PPDPFL: variants seen among roughly 807,000 people sequenced by gnomAD.
The protein encoded by PPDPFL is pancreatic progenitor cell differentiation and proliferation factor like, also known as pancreatic progenitor cell differentiation and proliferation factor-like protein.
PPDPFL carries 12 observed loss-of-function variants against 12.6 expected under a neutral mutation model. That is an observed-to-expected ratio of 0.95 (90% confidence interval 0.61 to 1.54). PPDPFL has a LOEUF of 1.54. PPDPFL is among the 40% of genes most tolerant of loss of function. The probability of loss-of-function intolerance (pLI) is 0.00; values close to 1 mark genes in which losing one functional copy is unlikely to be tolerated. For synonymous variants in PPDPFL, 24 were observed against 32.7 expected, an observed-to-expected ratio of 0.73 and a Z score of 0.91; for missense variants, 114 against 96.0, an observed-to-expected ratio of 1.19 and a Z score of -0.78.
At chr8:49,072,187 C>T (rs1348302969), upstream of PPDPFL, among the ~76,000 whole-genome samples, 2 of 152,234 alleles carry the variant, frequency 1.3e-5, no homozygotes, top group Non-Finnish European at 1.5e-5. Context: ...CTGCTGCGTT[C>T]GGAGGGCCTT....
chr8:49,058,917 A>G (rs1003127984), intron 1 of PPDPFL, among the ~76,000 whole-genome samples: 4 of 152,168 alleles, frequency 2.6e-5, no homozygotes, highest in African/African-American at 9.7e-5. Context: ...TATCTCCACC[A>G]ATTGGACTAT....
Position 49,075,269 on chromosome 8 carries a change from G to C in PPDPFL, c.*96G>C. On this transcript the variant is annotated 3_prime_UTR_variant, in exon 5 of 5. Coordinates refer to ENST00000522267, the MANE Select transcript of PPDPFL (RefSeq NM_001256597.2). ...TTGATTCTGACAATCAAGATCCTCT[G>C]CCTGCTGCAGTGGTCCATACATGAA... 1 of 1,613,828 alleles carries C rather than the reference G, an allele frequency of 6.2e-7. No individual in the cohort carries two copies. The highest frequency in any genetic ancestry group is 2.2e-5 in the East Asian group (1 of 44,880).
rs551897580 is a variant in PPDPFL at position 49,056,670 on chromosome 8, A to T, written c.-45+2301A>T. On this transcript the variant is annotated intron_variant, in intron 1 of 4. Coordinates refer to the PPDPFL transcript ENST00000517663. ...CGGGCATTGAGAATTTACAAAGTAT[A>T]TTGGCTTTCACCCTGCTGATAGAGC... is the stretch of plus-strand genomic sequence containing the variant. 2.9e-4 allele frequency among the ~76,000 whole-genome samples: 44 copies of T among 152,322 alleles called. 1 individual carries two copies. The highest frequency in any genetic ancestry group is 9.9e-4 in the African/African-American group (41 of 41,582).
At chr8:49,069,859 C>T (rs1437959588), upstream of PPDPFL, among the ~76,000 whole-genome samples, 8 of 152,092 alleles carry the variant, frequency 5.3e-5, no homozygotes, top group African/African-American at 1.4e-4. Context: ...GGTGTGAACC[C>T]GGGAGGTGGA....
intron 1 of PPDPFL, among the ~76,000 whole-genome samples, chr8:49,059,970 A>G (rs1479948994): frequency 1.3e-5 from 2 of 152,152 alleles, no homozygotes; most frequent in Non-Finnish European, 2.9e-5. Context: ...GCTTTGGACC[A>G]TCTGATAAAA....
At chr8:49,074,524 G>T in intron 4 of PPDPFL, 191 bp downstream of exon 4, 2 of 1,537,346 alleles carry the variant, frequency 1.3e-6, no homozygotes, top group Non-Finnish European at 1.7e-6. Context: ...CTGTCAGGAA[G>T]ATCATAGCAC....
Position 49,063,445 on chromosome 8 carries a change from C to T in PPDPFL, c.-45+9076C>T, listed in dbSNP as rs182561095. Among the ~76,000 whole-genome samples, 23 of 152,222 alleles carry T rather than the reference C, an allele frequency of 1.5e-4. 1 individual carries two copies. Among genetic ancestry groups the T allele is most frequent in the East Asian group, 1.4e-3 (7 of 5,178 alleles). Reference sequence around the variant, plus strand: ...TTAAAGATATAAAGAATGAGCTGGGCGTGGTGTCTCATGCCTGTAGTCCCA... The same window carrying T: ...TTAAAGATATAAAGAATGAGCTGGGTGTGGTGTCTCATGCCTGTAGTCCCA... On this transcript the variant is annotated intron_variant, in intron 1 of 4. Coordinates refer to the PPDPFL transcript ENST00000517663.
intron 1 of PPDPFL, among the ~76,000 whole-genome samples, chr8:49,061,374 A>G (rs1030906656): frequency 6.6e-6 from 1 of 152,188 alleles, no homozygotes; most frequent in South Asian, 2.1e-4. Context: ...GGACACATTC[A>G]TCTAGGACTT....
chr8:49,074,058 G>A lies in PPDPFL; in HGVS notation c.56-1G>A, dbSNP rs1249846065. On this transcript the variant is annotated splice_acceptor_variant, in intron 2 of 4. Transcript: ENST00000522267. LOFTEE classifies it high-confidence loss of function. The stretch of plus-strand genomic sequence containing the variant: ...TGTTTAATATCATTTGTTTCCTACA[G>A]AGTCCAGTGTTTCTTCAGTTAGTTC... The A allele has an allele frequency of 6.2e-7, 1 of 1,605,100 alleles. No individual in the cohort carries two copies. Among genetic ancestry groups the A allele is most frequent in the East Asian group, 2.2e-5 (1 of 44,804 alleles).
chr8:49,074,450 C>T lies in PPDPFL; in HGVS notation c.233+117C>T, dbSNP rs1585677236. ...TAGTTGTCTCTTGAGAGCAGTGAGC[C>T]TTGCCTATGAAGCGCACCTGAGGGA... On this transcript the variant is annotated intron_variant, in intron 4 of 4. Coordinates refer to ENST00000522267, the MANE Select transcript of PPDPFL (RefSeq NM_001256597.2). The T allele has an allele frequency of 2.2e-5, 34 of 1,549,840 alleles. No homozygotes were observed. In the East Asian group the frequency reaches 7.4e-4, roughly 34 times the overall value.
chr8:49,055,127 G>A (rs1260889738), intron 1 of PPDPFL, among the ~76,000 whole-genome samples: 1 of 152,006 alleles, frequency 6.6e-6, no homozygotes, highest in African/African-American at 2.4e-5. Context: ...TTCTTCCTTG[G>A]CTGTGGATCA....
At chr8:49,063,229 G>T (rs1405890019) in intron 1 of PPDPFL, among the ~76,000 whole-genome samples, 1 of 152,084 alleles carries the variant, frequency 6.6e-6, no homozygotes, top group African/African-American at 2.4e-5. Flanking sequence ...AATTCACATG[G>T]GCACAATCCA....
At chr8:49,074,213 A>T in intron 3 of PPDPFL, 21 bp from the exon 4 acceptor site, 1 of 1,609,754 alleles carries the variant, frequency 6.2e-7, no homozygotes, top group South Asian at 1.1e-5. Context: ...GATAAGGAGT[A>T]ACATGAATTT....
chr8:49,065,751 G>A (rs1452004903), intron 1 of PPDPFL, among the ~76,000 whole-genome samples: 3 of 152,162 alleles, frequency 2.0e-5, no homozygotes, highest in African/African-American at 2.4e-5. Flanking sequence ...AAAGATTTGT[G>A]TTAGGATCAA....
chr8:49,070,712 A>G (rs1341932030), upstream of PPDPFL, among the ~76,000 whole-genome samples: 4 of 152,186 alleles, frequency 2.6e-5, no homozygotes, highest in Non-Finnish European at 5.9e-5. Flanking sequence ...TGAAGTAGAT[A>G]TTTATTATTT....
At chr8:49,069,753 G>T (rs527363106), upstream of PPDPFL, among the ~76,000 whole-genome samples, 2 of 152,098 alleles carry the variant, frequency 1.3e-5, no homozygotes, top group South Asian at 4.1e-4. Context: ...TGGCTAACAC[G>T]GTGAAACCCC....
upstream of PPDPFL, among the ~76,000 whole-genome samples, chr8:49,068,836 T>C (rs761541109): frequency 6.6e-6 from 1 of 152,124 alleles, no homozygotes; most frequent in Non-Finnish European, 1.5e-5. Flanking sequence ...GGCTGAGACA[T>C]AAAAATTATG....
chr8:49,073,752 T>C (rs1216564608), intron 2 of PPDPFL, among the ~76,000 whole-genome samples: 5 of 152,238 alleles, frequency 3.3e-5, no homozygotes, highest in Non-Finnish European at 7.3e-5. Flanking sequence ...TTATTCTTGG[T>C]CTTGTTCTTT....
At position 49,062,887 on chromosome 8, in the gene PPDPFL, C is replaced by G. The variant is rs187238034; in HGVS notation, c.-45+8518C>G. Among the ~76,000 whole-genome samples the G allele has an allele frequency of 3.6e-4, 55 of 152,214 alleles. 1 individual carries two copies. The highest frequency in any genetic ancestry group is 6.3e-4 in the Non-Finnish European group (43 of 68,016). ...GGCCTGGTTTCTGGATCTTATTAGA[C>G]ACTTCTCAGACCCAGAATTTACGGA... On this transcript the variant is annotated intron_variant, in intron 1 of 4. Transcript: ENST00000517663.
Sources: allele counts gnomAD v4.1 joint callset (sites outside exome capture counted in the v4.1 genomes callset), GRCh38; gene constraint gnomAD v4.1.1; transcripts MANE v1.5; gene names NCBI Gene and HGNC (gene_info 2026-07-23, HGNC 2026-07-21).